The following TOP2B variants were observed in gnomAD, a reference collection of about 807,000 sequenced individuals.
TOP2B encodes the protein DNA topoisomerase II beta, also known as DNA topoisomerase 2-beta.
A neutral mutation model predicts 193.5 loss-of-function variants in TOP2B; 51 were observed. That is an observed-to-expected ratio of 0.26 (90% CI 0.21 to 0.33). TOP2B has a LOEUF of 0.33. Among genes scored for constraint, TOP2B ranks in the 10% least tolerant of loss-of-function variants. The pLI is 1.00. For synonymous variants in TOP2B, 634 were observed against 635.7 expected (o/e 1.00, Z 0.04); for missense variants, 1,378 against 1,909.3 (o/e 0.72, Z 5.19).
chr3:25,618,651 T>C lies in TOP2B; in HGVS notation c.3259+3A>G. 2 of 1,601,992 alleles carry C rather than the reference T, an allele frequency of 1.2e-6. No homozygotes were observed. The highest frequency in any genetic ancestry group is 1.7e-6 in the Non-Finnish European group (2 of 1,175,864). On this transcript the variant is annotated splice_donor_region_variant and intron_variant, in intron 24 of 35. Transcript: ENST00000264331. Reference sequence around the variant, plus strand: ...GTTCAAATTTTTAAAGGTTGTATCTTACCTATAGTAATTTTCCCTTGTATC... The same window carrying C: ...GTTCAAATTTTTAAAGGTTGTATCTCACCTATAGTAATTTTCCCTTGTATC...
At chr3:25,632,654 T>C in intron 9 of TOP2B, 39 bp downstream of exon 9, 2 of 1,603,650 alleles carry the variant, frequency 1.2e-6, no homozygotes, top group African/African-American at 1.3e-5. Context: ...ATATAATGCA[T>C]ATGTATGCAT....
Position 25,599,448 on chromosome 3 carries a change from T to G in TOP2B, c.4697A>C (p.Lys1566Thr). The G allele has an allele frequency of 6.2e-7, 1 of 1,613,470 alleles. No homozygotes were observed. The highest frequency in any genetic ancestry group is 8.5e-7 in the Non-Finnish European group (1 of 1,179,616). Reference sequence around the variant, plus strand: ...GTTCCCGGTTACCTTGCTTGTTGTTTTGGATGTTTTCCTGCCAGGGTTATA... The same window carrying G: ...GTTCCCGGTTACCTTGCTTGTTGTTGTGGATGTTTTCCTGCCAGGGTTATA... ...GDYNPGRKTS[K>T]TTSKKPKKTS... is the part of the protein sequence containing the mutation. Residue 1566 changes from lysine (K) to threonine (T), a missense_variant, in exon 35 of 36, where the codon AAA (lysine) becomes ACA (threonine). Coordinates refer to ENST00000264331, the MANE Select transcript of TOP2B (RefSeq NM_001330700.2).
Position 25,609,226 on chromosome 3 carries a change from T to C in TOP2B, c.4050A>G (p.Glu1350=). Reference sequence around the variant, plus strand: ...AAGAATCTCTTGGAATAACCACAGGTTCTGTTTCTTCCAAATCACTTTCTG... The same window carrying C: ...AAGAATCTCTTGGAATAACCACAGGCTCTGTTTCTTCCAAATCACTTTCTG... ...SKSESDLEET[E]PVVIPRDSLL... The change falls in exon 30 of 36, where the codon GAA becomes GAG. Residue 1350 remains glutamate, a synonymous_variant. Coordinates refer to ENST00000264331, the MANE Select transcript of TOP2B (RefSeq NM_001330700.2). The C allele has an allele frequency of 6.2e-7, 1 of 1,608,758 alleles. No individual in the cohort carries two copies. The highest frequency in any genetic ancestry group is 1.1e-5 in the South Asian group (1 of 90,166).
At chr3:25,653,034 TAAC>T (rs1575587531) in intron 1 of TOP2B, among the ~76,000 whole-genome samples, 1 of 152,140 alleles carries the variant, frequency 6.6e-6, no homozygotes, top group East Asian at 1.9e-4. Flanking sequence ...ACAGATTAGA[TAAC>T]CTAGAAGAAA....
intron 30 of TOP2B, 24 bp downstream of exon 30, chr3:25,609,159 G>A (rs774853296): frequency 6.4e-7 from 1 of 1,573,884 alleles, no homozygotes; most frequent in Admixed American, 1.8e-5. Flanking sequence ...ATAATATACA[G>A]TAATATTAAA....
Position 25,620,671 on chromosome 3 carries a change from T to C in TOP2B, c.2862+11A>G. ...GCCCTTCCCTCAGGCAGATCACATATTTACACTGACCTGTGTCCAAGTTCT... is the reference window on the plus strand; with the variant it reads ...GCCCTTCCCTCAGGCAGATCACATACTTACACTGACCTGTGTCCAAGTTCT... On this transcript the variant is annotated intron_variant, in intron 22 of 35. Coordinates refer to ENST00000264331, the MANE Select transcript of TOP2B (RefSeq NM_001330700.2). 6.2e-7 allele frequency: 1 copy of C among 1,610,034 alleles called. No homozygotes were observed. The highest frequency in any genetic ancestry group is 1.1e-5 in the South Asian group (1 of 90,132).
intron 1 of TOP2B, among the ~76,000 whole-genome samples, chr3:25,654,261 C>CA (rs1703681580): frequency 6.6e-6 from 1 of 151,934 alleles, no homozygotes; most frequent in Admixed American, 6.6e-5. Flanking sequence ...TTGCAGGATA[C>CA]AAAAATTGGT....
intron 2 of TOP2B, among the ~76,000 whole-genome samples, chr3:25,644,830 T>C (rs989819443): frequency 6.6e-6 from 1 of 151,840 alleles, no homozygotes; most frequent in African/African-American, 2.4e-5. Flanking sequence ...AGTCTCGCCC[T>C]GTCGCCCAGG....
intron 11 of TOP2B, 88 bp from the exon 12 acceptor site, chr3:25,630,557 G>T: frequency 9.1e-7 from 1 of 1,095,554 alleles, no homozygotes; most frequent in Non-Finnish European, 1.3e-6. Flanking sequence ...ACATTAGAAT[G>T]CTGACAGTGA....
chr3:25,609,485 A>G, intron 29 of TOP2B, 83 bp downstream of exon 29: 1 of 1,505,376 alleles, frequency 6.6e-7, no homozygotes, highest in Non-Finnish European at 8.9e-7. Flanking sequence ...TACCAGAAAA[A>G]GAGCACAATC....
chr3:25,636,778 G>A (rs991402807), intron 6 of TOP2B, among the ~76,000 whole-genome samples: 1 of 151,802 alleles, frequency 6.6e-6, no homozygotes, highest in African/African-American at 2.4e-5. Flanking sequence ...GGTTGCTGGA[G>A]AGCAATAAAG....
chr3:25,630,827 G>A lies in TOP2B; in HGVS notation c.1379C>T (p.Pro460Leu). ...AGCATCATTAGCATCATCCAGTTTG[G>A]GAATACCTTTGATTTTACTGTATTT... ...SVKYSKIKGI[P>L]KLDDANDAGG... Residue 460 changes from proline to leucine, a missense_variant, in exon 11 of 36, where the codon CCC (proline) becomes CTC (leucine). Coordinates refer to ENST00000264331, the MANE Select transcript of TOP2B (RefSeq NM_001330700.2). The A allele has an allele frequency of 1.3e-6, 2 of 1,584,068 alleles. No individual in the cohort carries two copies. The highest frequency in any genetic ancestry group is 1.7e-6 in the Non-Finnish European group (2 of 1,168,364).
chr3:25,609,518 T>A, intron 29 of TOP2B, 50 bp downstream of exon 29: 2 of 1,571,936 alleles, frequency 1.3e-6, no homozygotes, highest in Non-Finnish European at 1.7e-6. Context: ...TAATACTCTA[T>A]ACAAATATTT....
chr3:25,615,269 A>G lies in TOP2B; in HGVS notation c.3527T>C (p.Leu1176Pro), dbSNP rs1349960311. Residue 1176 changes from leucine to proline, a missense_variant, in exon 27 of 36, where the codon CTT (leucine) becomes CCT (proline). This residue lies in a region of TOP2B where 556 missense variants were observed against 584.2 expected (regional missense o/e 0.95). Coordinates refer to ENST00000264331, the MANE Select transcript of TOP2B (RefSeq NM_001330700.2). Reference protein sequence around the residue: ...RDAKGREVNDLKRKSPSDLWK... With the variant: ...RDAKGREVNDPKRKSPSDLWK... ...AAGATCTGAAGGAGATTTTCTTTTA[A>G]GATCATTGACCTCTCGCCCCTATAA... is the stretch of plus-strand genomic sequence containing the variant. 1 of 1,612,378 alleles carries G rather than the reference A, an allele frequency of 6.2e-7. No individual in the cohort carries two copies. The highest frequency in any genetic ancestry group is 8.5e-7 in the Non-Finnish European group (1 of 1,179,028).
chr3:25,643,796 A>G lies in TOP2B; in HGVS notation c.241-12T>C. On this transcript the variant is annotated splice_polypyrimidine_tract_variant and intron_variant, in intron 2 of 35. Coordinates refer to ENST00000264331, the MANE Select transcript of TOP2B (RefSeq NM_001330700.2). ...TACACCCACATGAACTGCATTGAAA[A>G]ATTCAAAAAAAATTTTACTCAATAA... 6.2e-7 allele frequency: 1 copy of G among 1,606,192 alleles called. No individual in the cohort carries two copies. Among genetic ancestry groups the G allele is most frequent in the Non-Finnish European group, 8.5e-7 (1 of 1,174,108 alleles).
chr3:25,612,672 C>G lies in TOP2B; in HGVS notation c.3629G>C (p.Gly1210Ala). Residue 1210 changes from glycine to alanine, a missense_variant, in exon 28 of 36, where the codon GGA becomes GCA. This residue lies in a region of TOP2B where 556 missense variants were observed against 584.2 expected (regional missense o/e 0.95). Transcript: ENST00000264331. Reference protein sequence around the residue: ...ESQEREDVLAGMSGKAIKGKV... With the variant: ...ESQEREDVLAAMSGKAIKGKV... ...ACCTTTAATTGCTTTTCCAGACATT[C>G]CAGCCAGAACATCTTCTCGTTCTTG... The G allele has an allele frequency of 6.2e-7, 1 of 1,613,558 alleles. No individual in the cohort carries two copies. Among genetic ancestry groups the G allele is most frequent in the African/African-American group, 1.3e-5 (1 of 75,020 alleles).
At position 25,663,054 on chromosome 3, in the gene TOP2B, G is replaced by C. The variant is rs114088290; in HGVS notation, c.69+1175C>G. On this transcript the variant is annotated intron_variant, in intron 1 of 35. Transcript: ENST00000264331. ...CTTCATACTTTCATTCTACATAATCGGAGTAATATACAACATTCAAAGAAT... is the reference window on the plus strand; with the variant it reads ...CTTCATACTTTCATTCTACATAATCCGAGTAATATACAACATTCAAAGAAT... Among the ~76,000 whole-genome samples the C allele has an allele frequency of 4.1e-3, 628 of 152,146 alleles. 8 individuals carry two copies. Among genetic ancestry groups the C allele is most frequent in the African/African-American group, 0.014 (596 of 41,474 alleles).
intron 1 of TOP2B, among the ~76,000 whole-genome samples, chr3:25,661,639 A>G (rs1229344914): frequency 2.0e-5 from 3 of 152,216 alleles, no homozygotes; most frequent in African/African-American, 7.2e-5. Context: ...TGCCATGTTT[A>G]TATTTTTCAC....
chr3:25,622,670 T>A (rs993378254), intron 21 of TOP2B, among the ~76,000 whole-genome samples: 10 of 148,634 alleles, frequency 6.7e-5, no homozygotes, highest in African/African-American at 2.5e-4. Context: ...AGACGGAGTC[T>A]CATTCTGTTC....
Sources: allele counts gnomAD v4.1 joint callset (sites outside exome capture counted in the v4.1 genomes callset), GRCh38; gene constraint gnomAD v4.1.1; regional missense constraint gnomAD v4.1.1; transcripts MANE v1.5; gene names NCBI Gene and HGNC (gene_info 2026-07-23, HGNC 2026-07-21).